Variants in SOHLH2 observed in about 807,000 individuals in gnomAD.
SOHLH2 encodes the protein spermatogenesis and oogenesis specific basic helix-loop-helix 2.
Under a neutral mutation model 50.4 loss-of-function variants are expected in SOHLH2, and 22 were observed. The observed-to-expected ratio is 0.44, with a 90% CI of 0.31 to 0.62. The LOEUF (loss-of-function observed/expected upper bound fraction) is 0.62, where lower values mean the gene tolerates loss of function less well. SOHLH2 is among the 20% of genes least tolerant of loss of function. The pLI is 0.08. For synonymous variants in SOHLH2, 185 were observed against 187.3 expected (o/e 0.99, Z 0.10); for missense variants, 412 against 504.4 (o/e 0.82, Z 1.76).
At chr13:36,190,471 G>C (rs1297764689) in intron 5 of SOHLH2, among the ~76,000 whole-genome samples, 2 of 152,122 alleles carry the variant, frequency 1.3e-5, no homozygotes, top group Admixed American at 1.3e-4. Context: ...GCAAAGCGCA[G>C]GTTCCCTCCA....
At chr13:36,196,016 G>A (rs960265866) in intron 2 of SOHLH2, among the ~76,000 whole-genome samples, 5 of 151,958 alleles carry the variant, frequency 3.3e-5, no homozygotes, top group African/African-American at 1.2e-4. Context: ...AGAGGGAATA[G>A]GGGGATCAGA....
At chr13:36,190,207 G>A (rs1287896746) in intron 5 of SOHLH2, 151 bp from the exon 6 acceptor site, 4 of 530,366 alleles carry the variant, frequency 7.5e-6, no homozygotes, top group African/African-American at 5.8e-5. Flanking sequence ...CCATATCTTA[G>A]ACATTTGGTG....
chr13:36,186,758 T>G (rs1476683013), intron 6 of SOHLH2, among the ~76,000 whole-genome samples: 1 of 152,158 alleles, frequency 6.6e-6, no homozygotes, highest in Non-Finnish European at 1.5e-5. Flanking sequence ...AATTAGCTAA[T>G]TTTGATTAAT....
intron 1 of SOHLH2, among the ~76,000 whole-genome samples, chr13:36,202,430 G>C (rs373208090): frequency 6.6e-6 from 1 of 152,274 alleles, no homozygotes; most frequent in East Asian, 1.9e-4. Flanking sequence ...AGTCTTTCCT[G>C]CTGGAAAATC....
At chr13:36,190,090 A>AG in intron 5 of SOHLH2, 34 bp from the exon 6 acceptor site, 1 of 1,563,510 alleles carries the variant, frequency 6.4e-7, no homozygotes, top group Non-Finnish European at 8.7e-7. Context: ...CATACATTAA[A>AG]GGGGAAAATT....
chr13:36,197,760 A>G (rs1050972914), intron 2 of SOHLH2, among the ~76,000 whole-genome samples: 1 of 152,188 alleles, frequency 6.6e-6, no homozygotes, highest in Admixed American at 6.5e-5. Flanking sequence ...GCTAATAGTG[A>G]AGAGTGGTGT....
chr13:36,178,115 T>A (rs960806056), intron 6 of SOHLH2, among the ~76,000 whole-genome samples: 23 of 152,006 alleles, frequency 1.5e-4, no homozygotes, highest in African/African-American at 5.5e-4. Flanking sequence ...ATTCTTTTCC[T>A]AAGTTGCAAT....
intron 6 of SOHLH2, among the ~76,000 whole-genome samples, chr13:36,179,790 A>G (rs925928274): frequency 1.3e-4 from 20 of 151,958 alleles, no homozygotes; most frequent in African/African-American, 4.4e-4. Flanking sequence ...TTATATCTTT[A>G]TATATTTCTT....
intron 2 of SOHLH2, among the ~76,000 whole-genome samples, chr13:36,194,601 AT>A (rs1051267716): frequency 6.6e-6 from 1 of 152,154 alleles, no homozygotes; most frequent in African/African-American, 2.4e-5. Context: ...ATTTCTTGAA[AT>A]TTTTCAAATA....
chr13:36,168,916 C>A lies in SOHLH2; in HGVS notation c.*118G>T. 6.8e-7 allele frequency: 1 copy of A among 1,461,138 alleles called. No homozygotes were observed. The highest frequency in any genetic ancestry group is 9.1e-7 in the Non-Finnish European group (1 of 1,104,084). 90.5% of individuals were successfully genotyped at this position (1,461,138 alleles called of 1,614,324 possible). A position where few individuals can be genotyped will look rare whatever the true frequency, so the allele number is the denominator to read the frequency against. ...TTTATCAGAAGCCAAACCATGCCAA[C>A]TCTTTTGATATTAGGTCTTTGGGTG... On this transcript the variant is annotated 3_prime_UTR_variant, in exon 11 of 11. Coordinates refer to ENST00000379881, the MANE Select transcript of SOHLH2 (RefSeq NM_017826.3).
At chr13:36,200,388 CA>C (rs201475515) in intron 2 of SOHLH2, among the ~76,000 whole-genome samples, 1,948 of 152,196 alleles carry the variant, frequency 0.013, 36 homozygotes, top group African/African-American at 0.044. Context: ...AAATGCAGAC[CA>C]GTTGTTCTAA....
intron 6 of SOHLH2, among the ~76,000 whole-genome samples, chr13:36,186,786 C>A (rs890573984): frequency 6.6e-6 from 1 of 151,876 alleles, no homozygotes. Flanking sequence ...AATAAGAATG[C>A]GAGTATCAGA....
At chr13:36,169,127 T>A in intron 10 of SOHLH2, 73 bp from the exon 11 acceptor site, 1 of 1,548,502 alleles carries the variant, frequency 6.5e-7, no homozygotes, top group African/African-American at 1.4e-5. Context: ...ATGATTGTAT[T>A]TTCTATATCC....
intron 1 of SOHLH2, among the ~76,000 whole-genome samples, chr13:36,209,249 T>C (rs1456138154): frequency 6.6e-6 from 1 of 152,164 alleles, no homozygotes; most frequent in Non-Finnish European, 1.5e-5. Flanking sequence ...ATTTCTAAGA[T>C]TTTTTGGGTA....
intron 9 of SOHLH2, among the ~76,000 whole-genome samples, chr13:36,171,494 C>T (rs146279917): frequency 3.9e-5 from 6 of 152,226 alleles, no homozygotes; most frequent in African/African-American, 7.2e-5. Flanking sequence ...GTAGTGAAAG[C>T]GAAATTTGGA....
intron 1 of SOHLH2, 98 bp from the exon 2 acceptor site, chr13:36,202,191 CACA>C (rs1215326122): frequency 2.1e-6 from 3 of 1,434,578 alleles, no homozygotes; most frequent in East Asian, 2.4e-5. Flanking sequence ...TCACAAATAA[CACA>C]ACAATTGACT....
intron 2 of SOHLH2, among the ~76,000 whole-genome samples, chr13:36,199,482 T>C (rs74835032): frequency 3.9e-5 from 6 of 152,232 alleles, no homozygotes; most frequent in Non-Finnish European, 8.8e-5. Context: ...AGACCTTCAC[T>C]GGGTGTTGGG....
chr13:36,181,963 C>T, intron 6 of SOHLH2: 1 of 834,956 alleles, frequency 1.2e-6, no homozygotes, highest in Non-Finnish European at 1.4e-6. Context: ...TTTGCACAAA[C>T]AAGTGAAGAG....
chr13:36,193,298 T>C (rs557646609), intron 4 of SOHLH2, among the ~76,000 whole-genome samples: 1 of 152,324 alleles, frequency 6.6e-6, no homozygotes, highest in African/African-American at 2.4e-5. Context: ...CCCTGGCTTT[T>C]AGATAATCAC....
Sources: gnomAD v4.1 joint callset for allele counts (sites outside exome capture counted in the v4.1 genomes callset) on GRCh38, gnomAD v4.1.1 for gene constraint, MANE v1.5 for transcripts, NCBI Gene and HGNC (gene_info 2026-07-23, HGNC 2026-07-21) for gene names.